MAGI1: variants seen among roughly 807,000 people sequenced by gnomAD.
MAGI1 encodes membrane-associated guanylate kinase, WW and PDZ domain-containing protein 1.
A neutral mutation model predicts 139.9 loss-of-function variants in MAGI1; 58 were observed. The ratio of observed to expected loss-of-function variants is 0.41; its 90% confidence interval spans 0.34 to 0.52. The LOEUF is 0.52. Among genes scored for constraint, MAGI1 ranks in the 20% least tolerant of loss-of-function variants. The probability of loss-of-function intolerance (pLI) is 0.12; values close to 1 mark genes in which losing one functional copy is unlikely to be tolerated. For missense variants in MAGI1, 1,874 were observed against 1,901.6 expected, an observed-to-expected ratio of 0.99 and a Z score of 0.27; for synonymous variants, 812 against 737.9, an observed-to-expected ratio of 1.10 and a Z score of -1.63.
chr3:65,901,150 C>A (rs545885077), intron 1 of MAGI1, among the ~76,000 whole-genome samples: 4 of 152,302 alleles, frequency 2.6e-5, no homozygotes, highest in African/African-American at 9.6e-5. Flanking sequence ...ATACTACTTG[C>A]AACGCAGAGC....
chr3:65,612,097 T>C (rs1207511618), intron 2 of MAGI1, among the ~76,000 whole-genome samples: 3 of 152,074 alleles, frequency 2.0e-5, no homozygotes, highest in Non-Finnish European at 4.4e-5. Flanking sequence ...AATTCTAGAC[T>C]AAAAACACTG....
chr3:65,756,448 A>T (rs2036574844), intron 1 of MAGI1, among the ~76,000 whole-genome samples: 1 of 152,190 alleles, frequency 6.6e-6, no homozygotes, highest in South Asian at 2.1e-4. Context: ...AACATGAGCA[A>T]AGGTCATACT....
intron 1 of MAGI1, among the ~76,000 whole-genome samples, chr3:65,891,335 G>A (rs760914972): frequency 6.6e-6 from 1 of 151,986 alleles, no homozygotes; most frequent in African/African-American, 2.4e-5. Context: ...GTAATGGTAA[G>A]AAGTCATTTA....
At chr3:65,433,924 C>T (rs1947648612) in intron 10 of MAGI1, among the ~76,000 whole-genome samples, 1 of 152,118 alleles carries the variant, frequency 6.6e-6, no homozygotes, top group African/African-American at 2.4e-5. Context: ...CCACTAGTCA[C>T]ATGTAGCCAC....
intron 1 of MAGI1, among the ~76,000 whole-genome samples, chr3:65,804,052 T>C (rs1428652358): frequency 1.3e-5 from 2 of 152,172 alleles, no homozygotes; most frequent in African/African-American, 4.8e-5. Context: ...CCACTCTGCA[T>C]CTTTCCAAGA....
intron 1 of MAGI1, among the ~76,000 whole-genome samples, chr3:65,915,518 T>C (rs2061856080): frequency 6.6e-6 from 1 of 152,214 alleles, no homozygotes; most frequent in East Asian, 1.9e-4. Context: ...TCCAAATTGT[T>C]TGGGTCTTTT....
intron 1 of MAGI1, among the ~76,000 whole-genome samples, chr3:65,943,848 T>A (rs999331562): frequency 6.6e-6 from 1 of 152,176 alleles, no homozygotes; most frequent in Non-Finnish European, 1.5e-5. Flanking sequence ...AAGCCTTACT[T>A]TGTACACCTT....
intron 1 of MAGI1, among the ~76,000 whole-genome samples, chr3:65,782,402 C>T (rs1263976055): frequency 6.6e-6 from 1 of 152,056 alleles, no homozygotes; most frequent in Non-Finnish European, 1.5e-5. Context: ...GAAGGGAACA[C>T]AGCCCTGTGA....
intron 2 of MAGI1, among the ~76,000 whole-genome samples, chr3:65,599,990 C>T (rs993050926): frequency 6.6e-6 from 1 of 152,192 alleles, no homozygotes; most frequent in African/African-American, 2.4e-5. Context: ...TAAGGGAATA[C>T]TTTATCAACC....
At chr3:65,818,634 C>T (rs1402678309) in intron 1 of MAGI1, among the ~76,000 whole-genome samples, 1 of 152,106 alleles carries the variant, frequency 6.6e-6, no homozygotes, top group African/African-American at 2.4e-5. Context: ...AAGGAGGAAC[C>T]CAACGTTTAA....
At chr3:65,792,128 A>C (rs546989193) in intron 1 of MAGI1, among the ~76,000 whole-genome samples, 1 of 152,344 alleles carries the variant, frequency 6.6e-6, no homozygotes, top group South Asian at 2.1e-4. Context: ...TATAGCTATT[A>C]ATAAAATAGC....
intron 1 of MAGI1, among the ~76,000 whole-genome samples, chr3:65,860,508 C>T (rs371273489): frequency 1.3e-5 from 2 of 152,290 alleles, no homozygotes; most frequent in African/African-American, 4.8e-5. Context: ...GCAGCCCGCG[C>T]GTTCCCCTCC....
At position 65,375,831 on chromosome 3, in the gene MAGI1, G is replaced by A. The variant is rs376161036; in HGVS notation, c.3110C>T (p.Ser1037Phe). ...GTCTGAATGGGATTTGTTGGTGATG[G>A]AACATCCATTTACTGCCAAGATCCG... ...GDRILAVNGC[S>F]ITNKSHSDIV... The change falls in exon 18 of 23, where the codon TCC (serine) becomes TTC (phenylalanine). Residue 1037 changes from serine (S) to phenylalanine (F), a missense_variant. This residue lies in a region of MAGI1 where 653 missense variants were observed against 644.5 expected (regional missense o/e 1.01). Transcript: ENST00000402939. 8.7e-6 allele frequency: 14 copies of A among 1,613,912 alleles called. No homozygotes were observed. The highest frequency in any genetic ancestry group is 1.2e-5 in the Non-Finnish European group (14 of 1,179,984).
intron 1 of MAGI1, among the ~76,000 whole-genome samples, chr3:65,930,379 A>C (rs1418909043): frequency 6.6e-6 from 1 of 150,734 alleles, no homozygotes; most frequent in Admixed American, 6.7e-5. Context: ...AGGTCTTTCC[A>C]TTGTGTCTCA....
intron 1 of MAGI1, among the ~76,000 whole-genome samples, chr3:65,948,077 G>A (rs2063628299): frequency 6.6e-6 from 1 of 151,718 alleles, no homozygotes; most frequent in African/African-American, 2.4e-5. Flanking sequence ...GAGTAGCTGG[G>A]ATTACAGGCA....
intron 12 of MAGI1, among the ~76,000 whole-genome samples, chr3:65,415,273 A>G: frequency 6.6e-6 from 1 of 152,194 alleles, no homozygotes; most frequent in East Asian, 1.9e-4. Context: ...TGAAAACAGG[A>G]GGTCTGCTTC....
At chr3:65,981,370 T>G (rs540716766) in intron 1 of MAGI1, among the ~76,000 whole-genome samples, 1 of 152,002 alleles carries the variant, frequency 6.6e-6, no homozygotes, top group Non-Finnish European at 1.5e-5. Context: ...TTTTGAGGAG[T>G]TGGTAAAATA....
chr3:65,847,557 A>G (rs1454748416), intron 1 of MAGI1, among the ~76,000 whole-genome samples: 1 of 152,196 alleles, frequency 6.6e-6, no homozygotes. Context: ...TCTCTAGTGC[A>G]TTTTCTTAAA....
chr3:65,666,791 T>G lies in MAGI1; in HGVS notation c.314-44703A>C, dbSNP rs375226699. Among the ~76,000 whole-genome samples, 36 of 152,316 alleles carry G rather than the reference T, an allele frequency of 2.4e-4. 2 individuals carry two copies. Among genetic ancestry groups the G allele is most frequent in the Admixed American group, 1.6e-3 (25 of 15,308 alleles). ...AAATTCCTTACCCTTATTTCTCCAG[T>G]GCAAGGATTCATCACAGATCAATCA... is the stretch of plus-strand genomic sequence containing the variant. On this transcript the variant is annotated intron_variant, in intron 1 of 22. Coordinates refer to ENST00000402939, the MANE Select transcript of MAGI1 (RefSeq NM_001033057.2).
Sources: allele counts gnomAD v4.1 joint callset (sites outside exome capture counted in the v4.1 genomes callset), GRCh38; gene constraint gnomAD v4.1.1; regional missense constraint gnomAD v4.1.1; transcripts MANE v1.5; gene names NCBI Gene and HGNC (gene_info 2026-07-23, HGNC 2026-07-21).